The following KCNIP4 variants were observed in gnomAD, a reference collection of about 807,000 sequenced individuals.
KCNIP4 encodes potassium voltage-gated channel interacting protein 4.
In KCNIP4, 12 loss-of-function variants were observed where a neutral mutation model predicts 34.0. That is an observed-to-expected ratio of 0.35 (90% CI 0.23 to 0.57). KCNIP4 has a LOEUF of 0.57. Among genes scored for constraint, KCNIP4 ranks in the 20% least tolerant of loss-of-function variants. The pLI, the probability that KCNIP4 is intolerant of heterozygous loss-of-function variation, is 0.83. For missense variants in KCNIP4, 238 were observed against 311.7 expected (o/e 0.76, Z 1.78); for synonymous variants, 124 against 102.2 (o/e 1.21, Z -1.29).
At chr4:21,218,235 G>A (rs967809206) in intron 1 of KCNIP4, among the ~76,000 whole-genome samples, 19 of 151,712 alleles carry the variant, frequency 1.3e-4, no homozygotes, top group Non-Finnish European at 2.1e-4. Flanking sequence ...GGTTGGTCTC[G>A]AACTCCTGAC....
chr4:20,878,879 C>CA (rs1023870409), intron 2 of KCNIP4, among the ~76,000 whole-genome samples: 39 of 151,224 alleles, frequency 2.6e-4, no homozygotes, highest in African/African-American at 6.5e-4. Flanking sequence ...GCAAAAGAGA[C>CA]AAAAAAAAGT....
chr4:21,610,165 C>T (rs1744034679), intron 1 of KCNIP4, among the ~76,000 whole-genome samples: 1 of 152,228 alleles, frequency 6.6e-6, no homozygotes, highest in African/African-American at 2.4e-5. Context: ...GCTATGGCTA[C>T]TGTAACAAAA....
chr4:20,870,758 A>G (rs987819553), intron 2 of KCNIP4, among the ~76,000 whole-genome samples: 4 of 152,152 alleles, frequency 2.6e-5, no homozygotes, highest in Admixed American at 6.6e-5. Flanking sequence ...TTCCTCCCAC[A>G]CAACTTATGA....
At position 20,962,960 on chromosome 4, in the gene KCNIP4, C is replaced by T. The variant is rs113684842; in HGVS notation, c.62-80251G>A. On this transcript the variant is annotated intron_variant, in intron 1 of 8. Transcript: ENST00000382152. ...TGAGTCATTCAATTTCTCTAACCGTCACTTTGTCTGTAAAATGGGGATAAA... is the reference window on the plus strand; with the variant it reads ...TGAGTCATTCAATTTCTCTAACCGTTACTTTGTCTGTAAAATGGGGATAAA... Among the ~76,000 whole-genome samples the T allele has an allele frequency of 5.3e-5, 8 of 152,252 alleles. 2 individuals carry two copies. The highest frequency in any genetic ancestry group is 1.9e-4 in the African/African-American group (8 of 41,550).
chr4:21,497,924 A>T (rs1732983605), intron 1 of KCNIP4, among the ~76,000 whole-genome samples: 1 of 152,194 alleles, frequency 6.6e-6, no homozygotes, highest in Non-Finnish European at 1.5e-5. Flanking sequence ...CTGTACTGAT[A>T]TATAAAAGCT....
chr4:21,345,600 G>C (rs151053065), intron 1 of KCNIP4, among the ~76,000 whole-genome samples: 1 of 152,098 alleles, frequency 6.6e-6, no homozygotes, highest in African/African-American at 2.4e-5. Context: ...AATTAGAGCT[G>C]TAGAAATAAG....
At chr4:20,870,193 T>C (rs960455752) in intron 2 of KCNIP4, among the ~76,000 whole-genome samples, 3 of 152,046 alleles carry the variant, frequency 2.0e-5, no homozygotes, top group Admixed American at 6.6e-5. Flanking sequence ...ATTCCCAGTG[T>C]TGGGGGAGGC....
At chr4:21,900,728 T>C (rs1727658711) in intron 1 of KCNIP4, among the ~76,000 whole-genome samples, 1 of 152,352 alleles carries the variant, frequency 6.6e-6, no homozygotes, top group Admixed American at 6.5e-5. Flanking sequence ...AACATTGTTA[T>C]GCTAGCAATA....
At chr4:21,479,629 A>C (rs1222185004) in intron 1 of KCNIP4, among the ~76,000 whole-genome samples, 2 of 152,198 alleles carry the variant, frequency 1.3e-5, no homozygotes, top group African/African-American at 2.4e-5. Context: ...TTGTCATACA[A>C]AACAAAAATC....
intron 1 of KCNIP4, among the ~76,000 whole-genome samples, chr4:21,739,045 T>C (rs1207380110): frequency 6.6e-6 from 1 of 152,152 alleles, no homozygotes; most frequent in Non-Finnish European, 1.5e-5. Context: ...GACCCAATTA[T>C]CTTAGACAAT....
At chr4:21,758,408 C>T (rs1717811840) in intron 1 of KCNIP4, among the ~76,000 whole-genome samples, 2 of 152,204 alleles carry the variant, frequency 1.3e-5, no homozygotes, top group Admixed American at 1.3e-4. Flanking sequence ...CCCCACATGT[C>T]TCTTTGAGGA....
chr4:21,114,923 T>C (rs543895340), intron 1 of KCNIP4, among the ~76,000 whole-genome samples: 1 of 152,272 alleles, frequency 6.6e-6, no homozygotes, highest in Admixed American at 6.5e-5. Flanking sequence ...TGATTTTATA[T>C]CTTATGCCAC....
chr4:21,071,631 ATTTT>A (rs1182694847), intron 1 of KCNIP4, among the ~76,000 whole-genome samples: 1 of 151,898 alleles, frequency 6.6e-6, no homozygotes, highest in Admixed American at 6.6e-5. Context: ...GATTTTATTT[ATTTT>A]TTTATCTTTT....
intron 1 of KCNIP4, among the ~76,000 whole-genome samples, chr4:20,987,164 G>A (rs976393063): frequency 6.6e-6 from 1 of 152,134 alleles, no homozygotes; most frequent in Non-Finnish European, 1.5e-5. Context: ...GGGAGGCTTA[G>A]GTGGGAGGAT....
At chr4:21,111,638 C>T (rs1209155270) in intron 1 of KCNIP4, among the ~76,000 whole-genome samples, 1 of 152,192 alleles carries the variant, frequency 6.6e-6, no homozygotes, top group East Asian at 1.9e-4. Flanking sequence ...CAAAGAGGCT[C>T]TAAGGATAGG....
chr4:21,439,180 A>G (rs1259219316), intron 1 of KCNIP4, among the ~76,000 whole-genome samples: 3 of 150,836 alleles, frequency 2.0e-5, no homozygotes, highest in South Asian at 4.2e-4. Flanking sequence ...AAAAAAAAAA[A>G]GTAGAGAAAG....
intron 1 of KCNIP4, among the ~76,000 whole-genome samples, chr4:21,060,043 T>A (rs931964689): frequency 3.9e-5 from 6 of 152,158 alleles, no homozygotes; most frequent in African/African-American, 1.4e-4. Flanking sequence ...CTAAAAAGAT[T>A]GGAGATTTGT....
At chr4:21,565,385 C>A (rs1427822918) in intron 1 of KCNIP4, among the ~76,000 whole-genome samples, 2 of 152,106 alleles carry the variant, frequency 1.3e-5, no homozygotes, top group Non-Finnish European at 2.9e-5. Context: ...ATCTAATTAC[C>A]TCCAAGGAGC....
chr4:21,059,570 G>C (rs758102438), intron 1 of KCNIP4, among the ~76,000 whole-genome samples: 1 of 152,028 alleles, frequency 6.6e-6, no homozygotes, highest in Non-Finnish European at 1.5e-5. Flanking sequence ...CTAAGTCCTG[G>C]GGAAAGGAAT....
Sources: allele counts gnomAD v4.1 joint callset (sites outside exome capture counted in the v4.1 genomes callset), GRCh38; gene constraint gnomAD v4.1.1; transcripts MANE v1.5; gene names NCBI Gene and HGNC (gene_info 2026-07-23, HGNC 2026-07-21).